Variants in ARMC8 observed in about 807,000 individuals in gnomAD.
The protein encoded by ARMC8 is armadillo repeat-containing protein 8.
ARMC8 carries 20 observed loss-of-function variants against 99.3 expected under a neutral mutation model. The ratio of observed to expected loss-of-function variants is 0.20; its 90% CI spans 0.14 to 0.29. ARMC8 has a LOEUF of 0.29. Among genes scored for constraint, ARMC8 ranks in the 10% least tolerant of loss-of-function variants. The pLI is 1.00. For missense variants in ARMC8, 569 were observed against 809.5 expected (o/e 0.70, Z 3.60); for synonymous variants, 263 against 278.3 (o/e 0.95, Z 0.55).
intron 16 of ARMC8, among the ~76,000 whole-genome samples, chr3:138,271,534 AC>A (rs1266254104): frequency 2.6e-5 from 4 of 151,800 alleles, no homozygotes; most frequent in Non-Finnish European, 4.4e-5. Flanking sequence ...AACTCATTTC[AC>A]TCCTCAAATC....
At chr3:138,263,633 A>G in intron 12 of ARMC8, 106 bp from the exon 13 acceptor site, 1 of 1,072,538 alleles carries the variant, frequency 9.3e-7, no homozygotes, top group Admixed American at 1.7e-5. Flanking sequence ...ACTCTTGCCA[A>G]AAACAACGTT....
chr3:138,227,576 G>C (rs1357238662), intron 5 of ARMC8, among the ~76,000 whole-genome samples: 1 of 152,224 alleles, frequency 6.6e-6, no homozygotes, highest in Non-Finnish European at 1.5e-5. Context: ...TCTACTTGTA[G>C]GGAATCAGCA....
At chr3:138,199,966 G>A (rs1207921497) in intron 1 of ARMC8, among the ~76,000 whole-genome samples, 11 of 152,282 alleles carry the variant, frequency 7.2e-5, no homozygotes, top group Admixed American at 6.5e-4. Flanking sequence ...AGGGATAGAA[G>A]GAGGTTCTGG....
chr3:138,250,692 G>T (rs115528386), intron 12 of ARMC8, among the ~76,000 whole-genome samples: 5,740 of 152,228 alleles, frequency 0.038, 114 homozygotes, highest in Middle Eastern at 0.075. Flanking sequence ...GGTTGTCATG[G>T]ATGTCATTTC....
chr3:138,227,484 T>G (rs1041515774), intron 5 of ARMC8, among the ~76,000 whole-genome samples: 24 of 152,232 alleles, frequency 1.6e-4, no homozygotes, highest in African/African-American at 5.8e-4. Context: ...CTGACTTTCT[T>G]TGAAGTTTTC....
At chr3:138,212,167 A>G (rs896199414) in intron 2 of ARMC8, among the ~76,000 whole-genome samples, 1 of 152,120 alleles carries the variant, frequency 6.6e-6, no homozygotes, top group Non-Finnish European at 1.5e-5. Context: ...GTGTGATTTG[A>G]TAAAGCTTCC....
chr3:138,255,453 TG>T (rs1201412311), intron 12 of ARMC8, among the ~76,000 whole-genome samples: 3 of 151,998 alleles, frequency 2.0e-5, no homozygotes, highest in African/African-American at 7.2e-5. Flanking sequence ...CCGCCCGCCT[TG>T]GCCTCCCAAA....
intron 19 of ARMC8, among the ~76,000 whole-genome samples, chr3:138,284,879 C>T (rs536247552): frequency 9.2e-5 from 14 of 152,322 alleles, no homozygotes; most frequent in African/African-American, 3.4e-4. Flanking sequence ...ACCCTCTAGC[C>T]CCCTGGCACC....
Position 138,187,575 on chromosome 3 carries a change from C to A in ARMC8, c.21C>A (p.Thr7=). Residue 7 remains threonine (T), a synonymous_variant, in exon 1 of 22, where the codon ACC becomes ACA. Transcript: ENST00000469044. ...TCAAGATGGCGTGCTTGTTGGAGACCCCAATCCGCATGAGCGTCCTTTCGG... is the reference window on the plus strand; with the variant it reads ...TCAAGATGGCGTGCTTGTTGGAGACACCAATCCGCATGAGCGTCCTTTCGG... MACLLE[T]PIRMSVLSEV... 6.5e-7 allele frequency: 1 copy of A among 1,535,858 alleles called. No homozygotes were observed. The highest frequency in any genetic ancestry group is 8.7e-7 in the Non-Finnish European group (1 of 1,146,712).
At chr3:138,264,051 CA>C (rs2048014491) in intron 13 of ARMC8, 79 bp from the exon 14 acceptor site, 15 of 1,292,894 alleles carry the variant, frequency 1.2e-5, no homozygotes, top group Admixed American at 5.3e-5. Flanking sequence ...GTACATTAGT[CA>C]TTGTAAAATG....
intron 2 of ARMC8, among the ~76,000 whole-genome samples, chr3:138,211,586 T>A (rs1446057788): frequency 6.6e-6 from 1 of 152,238 alleles, no homozygotes; most frequent in Non-Finnish European, 1.5e-5. Context: ...GTTTGAGACC[T>A]AATTAGCTGT....
chr3:138,188,976 T>G (rs1455162897), intron 1 of ARMC8, among the ~76,000 whole-genome samples: 1 of 152,214 alleles, frequency 6.6e-6, no homozygotes, highest in East Asian at 1.9e-4. Flanking sequence ...CCCAGGAATA[T>G]TCTGTGGGAG....
chr3:138,288,040 G>A (rs2050589001), intron 19 of ARMC8: 1 of 158,070 alleles, frequency 6.3e-6, no homozygotes, highest in Admixed American at 6.2e-5. Context: ...TGATAGTAAA[G>A]ACATTTGAGA....
intron 6 of ARMC8, 124 bp downstream of exon 6, chr3:138,229,134 GTATATATATATATATA>G (rs71146119): frequency 0.012 from 936 of 78,614 alleles, 83 homozygotes; most frequent in Admixed American, 0.1. Flanking sequence ...GTGTGTGCGT[GTATATATATATATATA>G]TATATATATA....
chr3:138,295,648 C>A (rs1452758782), intron 21 of ARMC8, among the ~76,000 whole-genome samples: 2 of 152,222 alleles, frequency 1.3e-5, no homozygotes, highest in African/African-American at 4.8e-5. Flanking sequence ...TCTGAGAGAT[C>A]CACAGGAAGA....
rs371410195 is a variant in ARMC8, at chr3:138,221,910, C to G, written c.123-16C>G. 49 of 1,599,296 alleles carry G rather than the reference C, an allele frequency of 3.1e-5. No individual in the cohort carries two copies. In the African/African-American group the frequency reaches 6.0e-4, roughly 20 times the overall value. ...GCTGTCTCAACATACTTTATTTTTT[C>G]TTCCCCTTAATTCAGAGACATGAAA... On this transcript the variant is annotated splice_polypyrimidine_tract_variant and intron_variant, in intron 2 of 21. Transcript: ENST00000469044.
intron 12 of ARMC8, among the ~76,000 whole-genome samples, chr3:138,248,972 G>T (rs1183854627): frequency 6.6e-6 from 1 of 152,186 alleles, no homozygotes; most frequent in Non-Finnish European, 1.5e-5. Context: ...GTATATTTTA[G>T]CTGGAGATTT....
chr3:138,287,447 C>T (rs759751136), intron 19 of ARMC8, among the ~76,000 whole-genome samples: 1 of 152,104 alleles, frequency 6.6e-6, no homozygotes, highest in Non-Finnish European at 1.5e-5. Flanking sequence ...AGTTCCCACC[C>T]CTCCACCCTC....
chr3:138,252,422 GTGCTAATAC>G (rs1349914454), intron 12 of ARMC8, among the ~76,000 whole-genome samples: 1 of 149,314 alleles, frequency 6.7e-6, no homozygotes, highest in African/African-American at 2.5e-5. Context: ...TGCCCACCCT[GTGCTAATAC>G]TGCATAGCTA....
Sources: gnomAD v4.1 joint callset for allele counts (sites outside exome capture counted in the v4.1 genomes callset) on GRCh38, gnomAD v4.1.1 for gene constraint, MANE v1.5 for transcripts, NCBI Gene and HGNC (gene_info 2026-07-23, HGNC 2026-07-21) for gene names.